The following JAM3 variants were observed in gnomAD, a reference collection of about 807,000 sequenced individuals.
JAM3 encodes the protein junctional adhesion molecule C.
JAM3 carries 31 observed loss-of-function variants against 39.4 expected under a neutral mutation model. The observed-to-expected ratio is 0.79, with a 90% CI of 0.59 to 1.06. The LOEUF is 1.06. JAM3 is among the 50% of genes least tolerant of loss of function. The pLI is 0.00. For synonymous variants in JAM3, 182 were observed against 148.7 expected, an observed-to-expected ratio of 1.22 and a Z score of -1.63; for missense variants, 455 against 391.4, an observed-to-expected ratio of 1.16 and a Z score of -1.37.
Position 134,147,459 on chromosome 11 carries a change from C to CAAAAAAAAAA in JAM3, c.713-1078_713-1069dup, listed in dbSNP as rs557379286. ...ACGGTGACGGAGCAAGACTCTGTCT[C>CAAAAAAAAAA]AAAAAAAAAAAAAAAAAAACGATTG... On this transcript the variant is annotated intron_variant, in intron 6 of 8. Coordinates refer to ENST00000299106, the MANE Select transcript of JAM3 (RefSeq NM_032801.5). Among the ~76,000 whole-genome samples, 35 of 70,886 alleles carry CAAAAAAAAAA rather than the reference C, an allele frequency of 4.9e-4. 2 individuals carry two copies. Among genetic ancestry groups the CAAAAAAAAAA allele is most frequent in the African/African-American group, 1.6e-3 (33 of 20,546 alleles). The allele number at this position is 70,886 out of a possible 152,430, so 46.5% of individuals were successfully genotyped here. A position where few individuals can be genotyped will look rare whatever the true frequency, so the allele number is the denominator to read the frequency against.
chr11:134,097,105 C>A (rs1196275329), intron 1 of JAM3, among the ~76,000 whole-genome samples: 8 of 152,036 alleles, frequency 5.3e-5, no homozygotes, highest in African/African-American at 1.9e-4. Flanking sequence ...TTTTTCTTGT[C>A]CCCTCCACAC....
intron 1 of JAM3, among the ~76,000 whole-genome samples, chr11:134,073,346 G>T (rs1941512831): frequency 6.6e-6 from 1 of 152,174 alleles, no homozygotes; most frequent in South Asian, 2.1e-4. Context: ...CTTGTATAAA[G>T]ACATCAAACT....
In JAM3 at chr11:134,146,061, GA is replaced by G; in HGVS notation, c.712+18del. ...ATGGAAGTCTGTGAGTTTCTTTTTT[GA>G]AGAGGTTTCATCGCAAGACTGGGAA... On this transcript the variant is annotated intron_variant, in intron 6 of 8. Transcript: ENST00000299106. The G allele has an allele frequency of 6.4e-7, 1 of 1,555,172 alleles. No homozygotes were observed. Among genetic ancestry groups the G allele is most frequent in the African/African-American group, 1.4e-5 (1 of 73,844 alleles).
At chr11:134,071,087 TATG>T (rs1227847952) in intron 1 of JAM3, among the ~76,000 whole-genome samples, 1 of 152,238 alleles carries the variant, frequency 6.6e-6, no homozygotes, top group Admixed American at 6.5e-5. Flanking sequence ...TTTTATTTTT[TATG>T]ATTATTCTCA....
At chr11:134,138,238 G>T (rs1942906014) in intron 1 of JAM3, among the ~76,000 whole-genome samples, 1 of 124,834 alleles carries the variant, frequency 8.0e-6, no homozygotes, top group Non-Finnish European at 1.6e-5. Context: ...CTTAGAGCCA[G>T]TGGTGGCGTC....
At chr11:134,144,739 AAGAAT>A in intron 4 of JAM3, 48 bp from the exon 5 acceptor site, 1 of 1,474,438 alleles carries the variant, frequency 6.8e-7, no homozygotes, top group Non-Finnish European at 9.5e-7. Context: ...GGGCTTTAAT[AAGAAT>A]AGAGCCCTGT....
In JAM3 at chr11:134,148,613, CGTT is replaced by C. The variant is rs751943176; in HGVS notation, c.781_783del (p.Leu261del). On this transcript the variant is annotated inframe_deletion, in exon 7 of 9. Coordinates refer to ENST00000299106, the MANE Select transcript of JAM3 (RefSeq NM_032801.5). ...GTCCTTGCTGTACTGGCCCTGATCACGTTGGGCATCTGCTGTGCATACAGACGT... is the reference window on the plus strand; with the variant it reads ...GTCCTTGCTGTACTGGCCCTGATCACGGGCATCTGCTGTGCATACAGACGT... The C allele has an allele frequency of 1.9e-6, 3 of 1,613,936 alleles. No homozygotes were observed. In the African/African-American group the frequency reaches 4.0e-5, roughly 22 times the overall value.
At chr11:134,121,687 C>G (rs1197027620) in intron 1 of JAM3, among the ~76,000 whole-genome samples, 3 of 152,098 alleles carry the variant, frequency 2.0e-5, no homozygotes, top group Non-Finnish European at 2.9e-5. Context: ...TAACATTAGT[C>G]TTTAATTTAA....
intron 1 of JAM3, among the ~76,000 whole-genome samples, chr11:134,090,599 GT>G (rs1941830877): frequency 6.6e-6 from 1 of 152,148 alleles, no homozygotes; most frequent in African/African-American, 2.4e-5. Context: ...TAAAGTTAGG[GT>G]TAGTAGCCTG....
chr11:134,080,231 G>A (rs1445358130), intron 1 of JAM3, among the ~76,000 whole-genome samples: 2 of 152,220 alleles, frequency 1.3e-5, no homozygotes, highest in African/African-American at 2.4e-5. Context: ...CACTAAAGCA[G>A]TAGCTGAGTA....
intron 1 of JAM3, among the ~76,000 whole-genome samples, chr11:134,112,014 AC>A (rs1306951420): frequency 3.3e-5 from 5 of 152,164 alleles, no homozygotes; most frequent in Non-Finnish European, 7.3e-5. Context: ...GGATCTCTAA[AC>A]GTGAAAAAAG....
chr11:134,078,485 G>A (rs1941609760), intron 1 of JAM3, among the ~76,000 whole-genome samples: 1 of 152,174 alleles, frequency 6.6e-6, no homozygotes, highest in Non-Finnish European at 1.5e-5. Flanking sequence ...CTGCTCTCTG[G>A]TTTTAGCCTA....
chr11:134,121,226 C>G (rs1942526384), intron 1 of JAM3, among the ~76,000 whole-genome samples: 1 of 152,228 alleles, frequency 6.6e-6, no homozygotes, highest in Admixed American at 6.5e-5. Flanking sequence ...TATAACTTGT[C>G]TGGCATCAGA....
At chr11:134,133,425 T>G (rs1382491963) in intron 1 of JAM3, among the ~76,000 whole-genome samples, 2 of 152,206 alleles carry the variant, frequency 1.3e-5, no homozygotes, top group African/African-American at 4.8e-5. Context: ...CTGTCAGCTA[T>G]AGGTTTTTCA....
intron 1 of JAM3, among the ~76,000 whole-genome samples, chr11:134,102,316 A>G (rs1055625496): frequency 6.6e-6 from 1 of 152,226 alleles, no homozygotes; most frequent in Middle Eastern, 3.2e-3. Flanking sequence ...GACTGTTAGA[A>G]GGAAAACTAA....
intron 1 of JAM3, among the ~76,000 whole-genome samples, chr11:134,080,492 C>T (rs1025268270): frequency 1.6e-4 from 25 of 152,150 alleles, no homozygotes; most frequent in African/African-American, 5.8e-4. Context: ...CTTTCCCATG[C>T]TGTTCTTGTG....
intron 6 of JAM3, 96 bp from the exon 7 acceptor site, chr11:134,148,451 G>A (rs544142279): frequency 1.0e-5 from 16 of 1,551,582 alleles, no homozygotes; most frequent in African/African-American, 6.8e-5. Flanking sequence ...GGGGCAAGTG[G>A]GTTTGGGGTG....
chr11:134,143,923 GGT>G (rs1943020969), intron 3 of JAM3, among the ~76,000 whole-genome samples: 1 of 152,150 alleles, frequency 6.6e-6, no homozygotes, highest in African/African-American at 2.4e-5. Context: ...TTTTTCTAGT[GGT>G]GTTTTTTTCT....
chr11:134,101,506 T>A (rs971478073), intron 1 of JAM3, among the ~76,000 whole-genome samples: 1 of 152,204 alleles, frequency 6.6e-6, no homozygotes, highest in Non-Finnish European at 1.5e-5. Flanking sequence ...AATCTAAGCA[T>A]GTCTCCAGGC....
Sources: allele counts gnomAD v4.1 joint callset (sites outside exome capture counted in the v4.1 genomes callset), GRCh38; gene constraint gnomAD v4.1.1; transcripts MANE v1.5; gene names NCBI Gene and HGNC (gene_info 2026-07-23, HGNC 2026-07-21).